Variants in PCDH10 observed in about 807,000 individuals in gnomAD.
PCDH10 encodes the protein protocadherin-10.
Under a neutral mutation model 74.4 loss-of-function variants are expected in PCDH10, and 15 were observed. The observed-to-expected ratio is 0.20, with a 90% CI of 0.13 to 0.31. The LOEUF (loss-of-function observed/expected upper bound fraction) is 0.31. Among genes scored for constraint, PCDH10 ranks in the 10% least tolerant of loss-of-function variants. The pLI is 1.00. For missense variants in PCDH10, 1,260 were observed against 1,390.2 expected (o/e 0.91, Z 1.49); for synonymous variants, 619 against 589.8 (o/e 1.05, Z -0.72).
At chr4:133,163,341 A>G in intron 4 of PCDH10, 59 bp downstream of exon 4, 4 of 1,415,512 alleles carry the variant, frequency 2.8e-6, no homozygotes, top group Non-Finnish European at 3.8e-6. Flanking sequence ...AAAGTTCAAC[A>G]TTCCACTCTT....
intron 3 of PCDH10, among the ~76,000 whole-genome samples, chr4:133,159,742 G>C (rs1726928375): frequency 6.6e-6 from 1 of 151,860 alleles, no homozygotes; most frequent in African/African-American, 2.4e-5. Flanking sequence ...AGTTTCCATA[G>C]TAAGGCATTT....
At chr4:133,156,113 A>G (rs949320964) in intron 3 of PCDH10, among the ~76,000 whole-genome samples, 2 of 152,246 alleles carry the variant, frequency 1.3e-5, no homozygotes, top group South Asian at 2.1e-4. Context: ...TTTCAAGGTG[A>G]TATTAGTCCT....
At chr4:133,160,673 T>G (rs1726951298) in intron 3 of PCDH10, among the ~76,000 whole-genome samples, 1 of 150,638 alleles carries the variant, frequency 6.6e-6, no homozygotes, top group Admixed American at 6.7e-5. Flanking sequence ...ATATTCACAA[T>G]TAGAAGAGTA....
intron 3 of PCDH10, among the ~76,000 whole-genome samples, chr4:133,156,008 A>G (rs1294666344): frequency 1.3e-5 from 2 of 152,208 alleles, no homozygotes; most frequent in Non-Finnish European, 2.9e-5. Context: ...CTAACTCCTG[A>G]AAATGTCGAT....
In PCDH10 at chr4:133,163,291, T is replaced by C. The variant is rs1178782112; in HGVS notation, c.3103+9T>C. On this transcript the variant is annotated intron_variant, in intron 4 of 4. Coordinates refer to ENST00000264360, the MANE Select transcript of PCDH10 (RefSeq NM_032961.3). ...CAAACCACCATATTTGAGTAAGTATTACACAAAGGGCTCTGTTAAAGTGTT... is the reference window on the plus strand; with the variant it reads ...CAAACCACCATATTTGAGTAAGTATCACACAAAGGGCTCTGTTAAAGTGTT... 1 of 1,595,660 alleles carries C rather than the reference T, an allele frequency of 6.3e-7. No homozygotes were observed. Among genetic ancestry groups the C allele is most frequent in the African/African-American group, 1.3e-5 (1 of 74,266 alleles).
chr4:133,152,805 T>C lies in PCDH10; in HGVS notation c.2631+34T>C, dbSNP rs375443286. Reference sequence around the variant, plus strand: ...GAAGCGAAAGGACCACCATCTCTCATCTCCTCCATCAGAAAGCCTCCTCTA... The same window carrying C: ...GAAGCGAAAGGACCACCATCTCTCACCTCCTCCATCAGAAAGCCTCCTCTA... On this transcript the variant is annotated intron_variant, in intron 1 of 4. Transcript: ENST00000264360. The C allele has an allele frequency of 3.1e-6, 5 of 1,613,064 alleles. No homozygotes were observed. In the African/African-American group the frequency reaches 6.7e-5, roughly 22 times the overall value.
chr4:133,182,230 T>C (rs144644477), intron 4 of PCDH10, among the ~76,000 whole-genome samples: 2 of 152,206 alleles, frequency 1.3e-5, no homozygotes, highest in Admixed American at 1.3e-4. Context: ...ATGCCTTCTG[T>C]TTTGAAAATC....
intron 4 of PCDH10, among the ~76,000 whole-genome samples, chr4:133,172,129 C>G (rs1190030155): frequency 6.6e-6 from 1 of 151,958 alleles, no homozygotes; most frequent in East Asian, 1.9e-4. Flanking sequence ...AACTCTTGAC[C>G]AAACATGTTT....
At chr4:133,161,186 C>G (rs1726962236) in intron 3 of PCDH10, among the ~76,000 whole-genome samples, 1 of 152,064 alleles carries the variant, frequency 6.6e-6, no homozygotes, top group African/African-American at 2.4e-5. Flanking sequence ...GTTCACTGAT[C>G]AGTAATTTAT....
At chr4:133,204,180 T>TGGCTACCCTTGCCTGAACGGC (rs1727958149) in intron 2 of PCDH10, among the ~76,000 whole-genome samples, 1 of 152,160 alleles carries the variant, frequency 6.6e-6, no homozygotes, top group African/African-American at 2.4e-5. Flanking sequence ...ATGGGCAAGG[T>TGGCTACCCTTGCCTGAACGGC]GGCTACCCTT....
chr4:133,162,162 A>G (rs1453329341), intron 3 of PCDH10, among the ~76,000 whole-genome samples: 2 of 152,212 alleles, frequency 1.3e-5, no homozygotes, highest in African/African-American at 4.8e-5. Context: ...GACTAGGACA[A>G]GTGTGTTCCA....
At chr4:133,203,035 C>T (rs1295826106) in intron 2 of PCDH10, among the ~76,000 whole-genome samples, 2 of 152,094 alleles carry the variant, frequency 1.3e-5, no homozygotes, top group African/African-American at 4.8e-5. Flanking sequence ...TTATGGAATG[C>T]TGATTTCATG....
At chr4:133,176,285 G>A (rs1321149109) in intron 4 of PCDH10, among the ~76,000 whole-genome samples, 2 of 152,110 alleles carry the variant, frequency 1.3e-5, no homozygotes, top group African/African-American at 2.4e-5. Flanking sequence ...TACTGACCCA[G>A]CCAGATACTA....
In PCDH10 at chr4:133,151,859, C is replaced by G. The variant is rs1472740934; in HGVS notation, c.1719C>G (p.Ala573=). Residue 573 remains alanine, a synonymous_variant, in exon 1 of 5, where the codon GCC becomes GCG. Coordinates refer to ENST00000264360, the MANE Select transcript of PCDH10 (RefSeq NM_032961.3). ...TGGATCAAAATGACAACGCCCCTGC[C>G]ATCGTGGCGCCTCTACCAGGGCGCA... The part of the protein sequence containing the change: ...LIVDQNDNAP[A]IVAPLPGRNG... The G allele has an allele frequency of 6.2e-7, 1 of 1,613,128 alleles. No individual in the cohort carries two copies. The highest frequency in any genetic ancestry group is 8.5e-7 in the Non-Finnish European group (1 of 1,180,042).
chr4:133,185,771 T>C (rs1425999452), intron 4 of PCDH10, among the ~76,000 whole-genome samples: 1 of 152,116 alleles, frequency 6.6e-6, no homozygotes, highest in Admixed American at 6.6e-5. Flanking sequence ...ATTGCAGAAA[T>C]AGATTATTTC....
chr4:133,188,435 T>A (rs923315894), intron 4 of PCDH10, among the ~76,000 whole-genome samples: 1 of 152,142 alleles, frequency 6.6e-6, no homozygotes, highest in African/African-American at 2.4e-5. Flanking sequence ...AAATAGGATT[T>A]CATTCTATTA....
At chr4:133,204,889 T>G (rs1727971283) in intron 2 of PCDH10, among the ~76,000 whole-genome samples, 1 of 152,234 alleles carries the variant, frequency 6.6e-6, no homozygotes, top group South Asian at 2.1e-4. Flanking sequence ...GACACTGCAT[T>G]CTGCACAGGA....
In PCDH10 at chr4:133,151,888, G is replaced by T. The variant is rs1223297291; in HGVS notation, c.1748G>T (p.Gly583Val). ...GTGGCGCCTCTACCAGGGCGCAACG[G>T]GACTCCAGCGCGTGAGGTGCTGCCC... ...AIVAPLPGRN[G>V]TPAREVLPRS... is the part of the protein sequence containing the mutation. Residue 583 changes from glycine (G) to valine (V), a missense_variant, in exon 1 of 5, where the codon GGG (glycine) becomes GTG (valine). Around this residue, in one of 11 missense-constraint regions of PCDH10, gnomAD observed 587 missense variants for 616.9 expected, o/e 0.95. Transcript: ENST00000264360. 1 of 1,612,966 alleles carries T rather than the reference G, an allele frequency of 6.2e-7. No homozygotes were observed. The highest frequency in any genetic ancestry group is 1.1e-5 in the South Asian group (1 of 91,078).
At chr4:133,172,169 G>A (rs530462803) in intron 4 of PCDH10, among the ~76,000 whole-genome samples, 3 of 151,972 alleles carry the variant, frequency 2.0e-5, no homozygotes, top group Non-Finnish European at 4.4e-5. Context: ...CTGCTCCTTC[G>A]TTCAGATGTT....
Sources: gnomAD v4.1 joint callset for allele counts (sites outside exome capture counted in the v4.1 genomes callset) on GRCh38, gnomAD v4.1.1 for gene constraint, gnomAD v4.1.1 regional missense constraint, MANE v1.5 for transcripts, NCBI Gene and HGNC (gene_info 2026-07-23, HGNC 2026-07-21) for gene names.